Variants in MAP3K7CL observed in about 807,000 individuals in gnomAD.
The protein encoded by MAP3K7CL is MAP3K7 C-terminal like.
Under a neutral mutation model 18.6 loss-of-function variants are expected in MAP3K7CL, and 16 were observed. The observed-to-expected ratio is 0.86, with a 90% CI of 0.58 to 1.31. MAP3K7CL has a LOEUF of 1.31. MAP3K7CL is among the 50% of genes most tolerant of loss of function. MAP3K7CL has a pLI of 0.00. For synonymous variants in MAP3K7CL, 65 were observed against 66.8 expected, an observed-to-expected ratio of 0.97 and a Z score of 0.13; for missense variants, 163 against 174.4, an observed-to-expected ratio of 0.93 and a Z score of 0.37.
exon 2 of MAP3K7CL, chr21:29,091,516 C>T (rs1481820034): frequency 1.9e-5 from 13 of 699,058 alleles, no homozygotes; most frequent in Admixed American, 4.1e-5. Context: ...TGCTCTGTCA[C>T]GCAGGCTGGA....
rs185630073 is a variant in MAP3K7CL at position 29,096,629 on chromosome 21, A to G, written c.370+4048A>G. 1.9e-3 allele frequency among the ~76,000 whole-genome samples: 288 copies of G among 152,334 alleles called. 4 individuals are homozygous for G. The highest frequency in any genetic ancestry group is 6.8e-3 in the African/African-American group (281 of 41,572). On this transcript the variant is annotated intron_variant, in intron 4 of 6. Coordinates refer to the MAP3K7CL transcript ENST00000286791. ...TTGAGCACAGAGAGTGAAAGGGAGC[A>G]TGGCTATGAGTTTGGAGAGGCACTA... is the stretch of plus-strand genomic sequence containing the variant.
chr21:29,088,464 C>G (rs2085964185), intron 1 of MAP3K7CL, among the ~76,000 whole-genome samples: 1 of 152,100 alleles, frequency 6.6e-6, no homozygotes, highest in African/African-American at 2.4e-5. Context: ...TTCCAAATTC[C>G]CTTTCATAAG....
At chr21:29,115,926 A>G (rs1252467215) in intron 4 of MAP3K7CL, among the ~76,000 whole-genome samples, 1 of 152,238 alleles carries the variant, frequency 6.6e-6, no homozygotes, top group Non-Finnish European at 1.5e-5. Context: ...ATGACAGAGG[A>G]GTAATCTGGG....
chr21:29,172,336 T>C (rs73193819), intron 4 of MAP3K7CL, among the ~76,000 whole-genome samples: 35,129 of 151,156 alleles, frequency 0.23, 5,180 homozygotes, highest in African/African-American at 0.42. Context: ...TTTCCCTGAA[T>C]TTGATTTGGT....
At chr21:29,088,772 T>C (rs1287538020) in intron 1 of MAP3K7CL, among the ~76,000 whole-genome samples, 1 of 152,204 alleles carries the variant, frequency 6.6e-6, no homozygotes, top group African/African-American at 2.4e-5. Flanking sequence ...ATTTGGGCGC[T>C]GCTTTCTCTG....
intron 2 of MAP3K7CL, among the ~76,000 whole-genome samples, chr21:29,146,540 C>T (rs543946731): frequency 6.6e-6 from 1 of 152,142 alleles, no homozygotes; most frequent in Non-Finnish European, 1.5e-5. Flanking sequence ...CACTTCTGGT[C>T]TAAGTAGAGC....
At chr21:29,150,206 C>T (rs951015124) in intron 3 of MAP3K7CL, among the ~76,000 whole-genome samples, 2 of 152,186 alleles carry the variant, frequency 1.3e-5, no homozygotes, top group African/African-American at 2.4e-5. Context: ...GGACAGCCCT[C>T]AACAGAGGTG....
intron 4 of MAP3K7CL, among the ~76,000 whole-genome samples, chr21:29,093,657 ATT>A (rs879928568): frequency 1.4e-5 from 2 of 142,188 alleles, no homozygotes; most frequent in Admixed American, 7.0e-5. Flanking sequence ...AATTTTTTGT[ATT>A]TTTTTTTTTT....
At chr21:29,158,767 T>G (rs1014327012) in intron 3 of MAP3K7CL, among the ~76,000 whole-genome samples, 9 of 151,926 alleles carry the variant, frequency 5.9e-5, no homozygotes, top group South Asian at 4.1e-4. Context: ...AGTTTATATA[T>G]AGAGAGAGAC....
chr21:29,156,507 C>A (rs2087407959), intron 3 of MAP3K7CL, among the ~76,000 whole-genome samples: 1 of 152,126 alleles, frequency 6.6e-6, no homozygotes, highest in Non-Finnish European at 1.5e-5. Flanking sequence ...TTCTAAGAAT[C>A]GATTTCCTCA....
At chr21:29,124,705 A>T (rs911361157) in intron 4 of MAP3K7CL, among the ~76,000 whole-genome samples, 3 of 152,250 alleles carry the variant, frequency 2.0e-5, no homozygotes, top group African/African-American at 7.2e-5. Flanking sequence ...TATTTGACAA[A>T]TATCAAAAGG....
chr21:29,089,127 A>G (rs142830764), intron 1 of MAP3K7CL, among the ~76,000 whole-genome samples: 191 of 137,824 alleles, frequency 1.4e-3, no homozygotes, highest in African/African-American at 4.6e-3. Flanking sequence ...CCGAGATCGC[A>G]CCACTATACT....
At chr21:29,092,177 T>TA (rs2086039997) in intron 3 of MAP3K7CL, 2 of 436,576 alleles carry the variant, frequency 4.6e-6, no homozygotes, top group Non-Finnish European at 8.2e-6. Context: ...TCTTTGTTTT[T>TA]ATAAGAAAAA....
chr21:29,161,549 A>G (rs538315301), intron 4 of MAP3K7CL, among the ~76,000 whole-genome samples: 2 of 152,246 alleles, frequency 1.3e-5, no homozygotes, highest in South Asian at 2.1e-4. Context: ...TATTATTTTC[A>G]TTAATATAGA....
At chr21:29,120,951 G>A (rs189451119) in intron 4 of MAP3K7CL, among the ~76,000 whole-genome samples, 14 of 149,572 alleles carry the variant, frequency 9.4e-5, no homozygotes, top group Non-Finnish European at 5.9e-5. Flanking sequence ...CTGTAGTTCC[G>A]GCTACTTGGG....
At chr21:29,158,546 G>C (rs756106931) in intron 3 of MAP3K7CL, among the ~76,000 whole-genome samples, 3 of 152,164 alleles carry the variant, frequency 2.0e-5, no homozygotes, top group African/African-American at 7.2e-5. Flanking sequence ...GAGGCCTCAT[G>C]ATACATAGGG....
intron 4 of MAP3K7CL, among the ~76,000 whole-genome samples, chr21:29,116,788 A>T (rs973187888): frequency 5.9e-5 from 9 of 152,304 alleles, no homozygotes; most frequent in Admixed American, 4.6e-4. Flanking sequence ...ATTTGAATAT[A>T]TAAATAATTT....
upstream of MAP3K7CL, among the ~76,000 whole-genome samples, chr21:29,084,835 C>T (rs2146480222): frequency 6.6e-6 from 1 of 152,250 alleles, no homozygotes; most frequent in South Asian, 2.1e-4. Context: ...TTTTTGATAA[C>T]TTAGGCAAAT....
chr21:29,159,931 G>C lies in MAP3K7CL; in HGVS notation c.133-10G>C. The C allele has an allele frequency of 6.2e-7, 1 of 1,607,474 alleles. No individual in the cohort carries two copies. Among genetic ancestry groups the C allele is most frequent in the East Asian group, 2.2e-5 (1 of 44,686 alleles). ...AGAAATGGACTAATTTCTTCTTGTTGTTTGTGAAGCCCCTGCCGCCTTGTC... is the reference window on the plus strand; with the variant it reads ...AGAAATGGACTAATTTCTTCTTGTTCTTTGTGAAGCCCCTGCCGCCTTGTC... On this transcript the variant is annotated splice_polypyrimidine_tract_variant and intron_variant, in intron 3 of 4. Transcript: ENST00000399928.
Sources: allele counts gnomAD v4.1 joint callset (sites outside exome capture counted in the v4.1 genomes callset), GRCh38; gene constraint gnomAD v4.1.1; transcripts MANE v1.5; gene names NCBI Gene and HGNC (gene_info 2026-07-23, HGNC 2026-07-21).